Variants in ZNF91 observed in about 807,000 individuals in gnomAD.
ZNF91 encodes the protein zinc finger protein 91.
Under a neutral mutation model 12.6 loss-of-function variants are expected in ZNF91, and 7 were observed. The observed-to-expected ratio is 0.55, with a 90% confidence interval of 0.31 to 1.04. The LOEUF is 1.04. ZNF91 is among the 50% of genes least tolerant of loss of function. The probability of loss-of-function intolerance (pLI) is 0.05; values close to 1 mark genes in which losing one functional copy is unlikely to be tolerated. For missense variants in ZNF91, 1,217 were observed against 1,385.4 expected (o/e 0.88, Z 1.93); for synonymous variants, 453 against 462.6 (o/e 0.98, Z 0.27).
intron 3 of ZNF91, among the ~76,000 whole-genome samples, chr19:23,365,562 T>C (rs949634941): frequency 3.4e-5 from 5 of 145,598 alleles, no homozygotes; most frequent in Non-Finnish European, 7.6e-5. Flanking sequence ...CACAGACAAA[T>C]ATAGAAGTCT....
intron 1 of ZNF91, chr19:23,384,783 C>G (rs1318052376): frequency 1.5e-6 from 1 of 649,632 alleles, no homozygotes; most frequent in African/African-American, 1.8e-5. Context: ...GTAAGTTCTT[C>G]CGGGCCAACA....
At chr19:23,327,216 T>C (rs999337861) in intron 1 of ZNF91, 1 of 152,128 alleles carries the variant, frequency 6.6e-6, no homozygotes, top group African/African-American at 2.4e-5. Context: ...TACTTGATAA[T>C]AATTGATTAT....
intron 1 of ZNF91, among the ~76,000 whole-genome samples, chr19:23,317,172 T>C (rs1967581480): frequency 6.6e-6 from 1 of 152,016 alleles, no homozygotes; most frequent in Non-Finnish European, 1.5e-5. Context: ...CAGCCTCCCA[T>C]GTAGCTGGGA....
chr19:23,328,817 G>C (rs1967880631), intron 1 of ZNF91: 1 of 152,174 alleles, frequency 6.6e-6, no homozygotes, highest in Non-Finnish European at 1.5e-5. Context: ...TGGATGGTGT[G>C]GGGAAGGGAT....
chr19:23,329,857 C>A (rs1490339017), intron 1 of ZNF91, among the ~76,000 whole-genome samples: 1 of 152,148 alleles, frequency 6.6e-6, no homozygotes, highest in Non-Finnish European at 1.5e-5. Flanking sequence ...CTCAGGGAGA[C>A]AGCATGCAAT....
intron 3 of ZNF91, among the ~76,000 whole-genome samples, chr19:23,346,908 G>A (rs554547965): frequency 2.6e-5 from 4 of 152,100 alleles, no homozygotes; most frequent in Non-Finnish European, 5.9e-5. Flanking sequence ...TAGAAGCTCC[G>A]CACATCACCA....
intron 1 of ZNF91, chr19:23,384,625 C>A: frequency 1.3e-6 from 1 of 794,010 alleles, no homozygotes; most frequent in Non-Finnish European, 1.8e-6. Context: ...ATCATCAGTC[C>A]CCCTCTTGGA....
At chr19:23,352,308 C>T (rs1968386104) in intron 3 of ZNF91, among the ~76,000 whole-genome samples, 1 of 152,108 alleles carries the variant, frequency 6.6e-6, no homozygotes, top group African/African-American at 2.4e-5. Flanking sequence ...TCAGCAGAGA[C>T]AGCCATAATC....
intron 3 of ZNF91, chr19:23,342,409 T>C (rs1464163278): frequency 1.6e-5 from 5 of 315,202 alleles, no homozygotes; most frequent in Non-Finnish European, 2.9e-5. Flanking sequence ...AACTTTTGAA[T>C]ATTTAAAACA....
intron 3 of ZNF91, among the ~76,000 whole-genome samples, chr19:23,367,659 A>C (rs1312677659): frequency 6.6e-6 from 1 of 152,206 alleles, no homozygotes; most frequent in Non-Finnish European, 1.5e-5. Context: ...AGCAACAATA[A>C]CAAAAACAAT....
intron 1 of ZNF91, chr19:23,385,222 C>A: frequency 1.7e-6 from 1 of 598,334 alleles, no homozygotes; most frequent in South Asian, 2.3e-5. Flanking sequence ...AGGTTCCCTC[C>A]TCCCCCTGCA....
chr19:23,337,002 A>T (rs1220627361), downstream of ZNF91, among the ~76,000 whole-genome samples: 1 of 152,174 alleles, frequency 6.6e-6, no homozygotes, highest in Non-Finnish European at 1.5e-5. Flanking sequence ...TATTTATACA[A>T]ATGTGTTGGG....
chr19:23,336,073 T>C (rs938767239), downstream of ZNF91, among the ~76,000 whole-genome samples: 29 of 152,344 alleles, frequency 1.9e-4, no homozygotes, highest in African/African-American at 7.0e-4. Context: ...TATTTGTATA[T>C]GGCAGGTTTT....
At chr19:23,374,577 AAAAG>A (rs1969430620) in intron 2 of ZNF91, 57 bp downstream of exon 2, 10 of 1,460,132 alleles carry the variant, frequency 6.8e-6, no homozygotes, top group Middle Eastern at 1.9e-4. Context: ...AAAAAAAAAA[AAAAG>A]AAAAGAAGTA....
intron 3 of ZNF91, among the ~76,000 whole-genome samples, chr19:23,350,160 T>A (rs1324577370): frequency 6.6e-6 from 1 of 152,160 alleles, no homozygotes; most frequent in Non-Finnish European, 1.5e-5. Context: ...TGTGGTCAGT[T>A]TAATATCTCC....
upstream of ZNF91, among the ~76,000 whole-genome samples, chr19:23,311,756 C>T (rs576089171): frequency 9.2e-5 from 14 of 152,258 alleles, no homozygotes; most frequent in African/African-American, 2.2e-4. Flanking sequence ...CTGGCCCCCA[C>T]GTATATTGTG....
chr19:23,309,526 T>G (rs1423337029), intron 1 of ZNF91, among the ~76,000 whole-genome samples: 1 of 152,158 alleles, frequency 6.6e-6, no homozygotes, highest in South Asian at 2.1e-4. Flanking sequence ...CCAGGTGATG[T>G]GTCTCTTTTT....
chr19:23,362,514 T>C lies in ZNF91; in HGVS notation c.465A>G (p.Gln155=). ...AGAAGACTTTCAAATATTTCCCACA[T>C]TGAAATACTTTGCTCTGGGCAGTTG... The part of the protein sequence containing the change: ...CLTTAQSKVF[Q]CGKYLKVFYK... Residue 155 remains glutamine (Q), a synonymous_variant, in exon 4 of 4, where the codon CAA becomes CAG. Coordinates refer to ENST00000300619, the MANE Select transcript of ZNF91 (RefSeq NM_003430.4). 1.2e-6 allele frequency: 2 copies of C among 1,603,442 alleles called. No individual in the cohort carries two copies. Among genetic ancestry groups the C allele is most frequent in the Non-Finnish European group, 1.7e-6 (2 of 1,175,612 alleles).
chr19:23,373,928 T>C (rs1296261583), intron 2 of ZNF91, 91 bp from the exon 3 acceptor site: 3 of 728,578 alleles, frequency 4.1e-6, no homozygotes, highest in Non-Finnish European at 6.2e-6. Flanking sequence ...TATAATAGAA[T>C]ATTCTAATAA....
Sources: allele counts gnomAD v4.1 joint callset (sites outside exome capture counted in the v4.1 genomes callset), GRCh38; gene constraint gnomAD v4.1.1; transcripts MANE v1.5; gene names NCBI Gene and HGNC (gene_info 2026-07-23, HGNC 2026-07-21).